Variants in SPATA6 observed in about 807,000 individuals in gnomAD.
The protein encoded by SPATA6 is spermatogenesis associated 6, also known as spermatogenesis-associated protein 6.
SPATA6 carries 56 observed loss-of-function variants against 65.3 expected under a neutral mutation model. The ratio of observed to expected loss-of-function variants is 0.86; its 90% CI spans 0.69 to 1.07. The LOEUF is 1.07. Ranked by LOEUF, SPATA6 falls within the 50% of genes least tolerant of loss-of-function variation. The probability of loss-of-function intolerance (pLI) is 0.00; values close to 1 mark genes in which losing one functional copy is unlikely to be tolerated. For missense variants in SPATA6, 590 were observed against 594.8 expected, an observed-to-expected ratio of 0.99 and a Z score of 0.08; for synonymous variants, 199 against 213.2, an observed-to-expected ratio of 0.93 and a Z score of 0.58.
At position 48,325,218 on chromosome 1, in the gene SPATA6, T is replaced by A. The variant is rs1000339886; in HGVS notation, c.1195-19340A>T. 26 of 719,804 alleles carry A rather than the reference T, an allele frequency of 3.6e-5. No homozygotes were observed. The African/African-American group carries it at 4.6e-4, about 13-fold the overall frequency. 44.6% of individuals were successfully genotyped at this position (719,804 alleles called of 1,614,324 possible). ...TTCGTGTTCACTGCTGCTGGCACAA[T>A]GGGAGTCAAGTCCACAACAGGGGCA... On this transcript the variant is annotated intron_variant, in intron 11 of 12. Coordinates refer to ENST00000371847, the MANE Select transcript of SPATA6 (RefSeq NM_019073.4).
At chr1:48,303,343 A>G (rs926093551) in intron 12 of SPATA6, among the ~76,000 whole-genome samples, 6 of 152,076 alleles carry the variant, frequency 3.9e-5, no homozygotes, top group African/African-American at 1.2e-4. Flanking sequence ...TGGTCACCCT[A>G]CTGGGCTATC....
At chr1:48,313,820 C>T (rs1645308189) in intron 11 of SPATA6, among the ~76,000 whole-genome samples, 2 of 152,092 alleles carry the variant, frequency 1.3e-5, no homozygotes, top group South Asian at 2.1e-4. Context: ...CAGAGACACA[C>T]ATAGGCTCAA....
At chr1:48,334,247 TGAG>T (rs1645997519) in intron 11 of SPATA6, among the ~76,000 whole-genome samples, 1 of 151,670 alleles carries the variant, frequency 6.6e-6, no homozygotes, top group South Asian at 2.1e-4. Context: ...TCCCCAAAAT[TGAG>T]GAGGAGCTAC....
chr1:48,389,925 A>T (rs1649873971), intron 8 of SPATA6, among the ~76,000 whole-genome samples: 1 of 152,190 alleles, frequency 6.6e-6, no homozygotes, highest in Admixed American at 6.5e-5. Context: ...ACCAAACCAC[A>T]ATGACAAACA....
chr1:48,411,399 C>G (rs1570485375), intron 5 of SPATA6, 65 bp downstream of exon 5: 1 of 1,526,450 alleles, frequency 6.6e-7, no homozygotes, highest in East Asian at 2.4e-5. Context: ...ATGGCGAGCA[C>G]TATGCGGTGG....
intron 12 of SPATA6, among the ~76,000 whole-genome samples, chr1:48,304,751 A>G (rs1316203716): frequency 6.6e-6 from 1 of 152,182 alleles, no homozygotes; most frequent in Non-Finnish European, 1.5e-5. Flanking sequence ...CAACTTAGAT[A>G]ATTTGAAAAT....
intron 8 of SPATA6, among the ~76,000 whole-genome samples, chr1:48,387,244 C>T (rs1004541130): frequency 3.9e-5 from 6 of 152,278 alleles, no homozygotes; most frequent in African/African-American, 1.2e-4. Flanking sequence ...CACCAGGCTC[C>T]TCCCACAACA....
At chr1:48,326,861 T>C (rs1465397761) in intron 11 of SPATA6, among the ~76,000 whole-genome samples, 1 of 152,130 alleles carries the variant, frequency 6.6e-6, no homozygotes, top group East Asian at 1.9e-4. Flanking sequence ...TCATGATATA[T>C]TAAAGACTTA....
chr1:48,335,281 A>G (rs1224878191), intron 11 of SPATA6, among the ~76,000 whole-genome samples: 1 of 151,912 alleles, frequency 6.6e-6, no homozygotes, highest in Non-Finnish European at 1.5e-5. Flanking sequence ...AGAAAAAACT[A>G]TTCTAAAATT....
At chr1:48,264,623 G>A in the SPATA6 span, among the ~76,000 whole-genome samples, 3 of 152,082 alleles carry the variant, frequency 2.0e-5, no homozygotes, top group Non-Finnish European at 2.9e-5. Context: ...ACAGTGTTTG[G>A]TTTTCTGTTC....
At chr1:48,306,030 G>A (rs1384236939) in intron 11 of SPATA6, 152 bp from the exon 12 acceptor site, 1 of 592,274 alleles carries the variant, frequency 1.7e-6, no homozygotes, top group Non-Finnish European at 2.9e-6. Flanking sequence ...GGGGGAAAAA[G>A]GTTAAGTGAT....
At chr1:48,394,376 G>A (rs1650374020) in intron 8 of SPATA6, among the ~76,000 whole-genome samples, 1 of 152,002 alleles carries the variant, frequency 6.6e-6, no homozygotes, top group Non-Finnish European at 1.5e-5. Flanking sequence ...CTTTACAGTG[G>A]CTTGTTCCTA....
At chr1:48,425,837 T>G (rs1175260188) in intron 3 of SPATA6, among the ~76,000 whole-genome samples, 2 of 151,742 alleles carry the variant, frequency 1.3e-5, no homozygotes, top group African/African-American at 4.8e-5. Flanking sequence ...AATCAAAATG[T>G]AAAAGGTAAA....
chr1:48,315,222 T>G (rs1645372062), intron 11 of SPATA6, among the ~76,000 whole-genome samples: 1 of 152,142 alleles, frequency 6.6e-6, no homozygotes, highest in Non-Finnish European at 1.5e-5. Context: ...TACCAAAGCC[T>G]GGCAGAGACA....
At position 48,436,074 on chromosome 1, in the gene SPATA6, C is replaced by A. The variant is rs1266367788; in HGVS notation, c.238+15478G>T. The A allele has an allele frequency of 6.2e-6, 10 of 1,609,666 alleles. No homozygotes were observed. In the South Asian group the frequency reaches 9.9e-5, roughly 16 times the overall value. On this transcript the variant is annotated intron_variant, in intron 3 of 12. Coordinates refer to ENST00000371847, the MANE Select transcript of SPATA6 (RefSeq NM_019073.4). Reference sequence around the variant, plus strand: ...ATCAATACTTGGTTGATGAGCCAACCCTTTCCTGGTCACCTCCATCCACTA... The same window carrying A: ...ATCAATACTTGGTTGATGAGCCAACACTTTCCTGGTCACCTCCATCCACTA...
At chr1:48,332,724 A>C (rs1475346139) in intron 11 of SPATA6, among the ~76,000 whole-genome samples, 1 of 152,184 alleles carries the variant, frequency 6.6e-6, no homozygotes, top group Non-Finnish European at 1.5e-5. Flanking sequence ...GACGAAATGG[A>C]GCTAGTAGAC....
At chr1:48,278,172 A>T in the SPATA6 span, among the ~76,000 whole-genome samples, 1 of 152,146 alleles carries the variant, frequency 6.6e-6, no homozygotes, top group African/African-American at 2.4e-5. Flanking sequence ...CACACCAAAA[A>T]CTCATCTGTA....
intron 8 of SPATA6, among the ~76,000 whole-genome samples, chr1:48,387,040 G>A (rs1424143082): frequency 6.6e-6 from 1 of 152,186 alleles, no homozygotes; most frequent in Non-Finnish European, 1.5e-5. Flanking sequence ...ACAGTTCCAC[G>A]TAGCTGGGGA....
chr1:48,398,745 A>G (rs1650845549), intron 7 of SPATA6, among the ~76,000 whole-genome samples: 2 of 151,812 alleles, frequency 1.3e-5, no homozygotes, highest in South Asian at 4.1e-4. Context: ...GCCAAAGTCT[A>G]CTTGATAATC....
Sources: gnomAD v4.1 joint callset for allele counts (sites outside exome capture counted in the v4.1 genomes callset) on GRCh38, gnomAD v4.1.1 for gene constraint, MANE v1.5 for transcripts, NCBI Gene and HGNC (gene_info 2026-07-23, HGNC 2026-07-21) for gene names.